The following TMEM202 variants were observed in gnomAD, a reference collection of about 807,000 sequenced individuals.
The protein encoded by TMEM202 is transmembrane protein 202.
Under a neutral mutation model 26.1 loss-of-function variants are expected in TMEM202, and 25 were observed. The observed-to-expected ratio is 0.96, with a 90% CI of 0.70 to 1.34. The LOEUF (loss-of-function observed/expected upper bound fraction) is 1.34, where lower values mean the gene tolerates loss of function less well. TMEM202 is among the 40% of genes most tolerant of loss of function. The probability of loss-of-function intolerance (pLI) is 0.00; values close to 1 mark genes in which losing one functional copy is unlikely to be tolerated. For missense variants in TMEM202, 301 were observed against 327.7 expected (o/e 0.92, Z 0.63); for synonymous variants, 122 against 119.0 (o/e 1.02, Z -0.16).
At chr15:72,406,561 A>C (rs2063572449) in intron 2 of TMEM202, 41 bp from the exon 3 acceptor site, 1 of 1,595,756 alleles carries the variant, frequency 6.3e-7, no homozygotes, top group Non-Finnish European at 8.6e-7. Flanking sequence ...AAGGTCCCTC[A>C]CTGGACTAAC....
At chr15:72,406,782 CA>C in intron 3 of TMEM202, 31 bp downstream of exon 3, 1 of 1,607,976 alleles carries the variant, frequency 6.2e-7, no homozygotes, top group Non-Finnish European at 8.5e-7. Flanking sequence ...GGTATTTTAC[CA>C]TGGTAAAATA....
chr15:72,399,695 A>G (rs886751261), intron 2 of TMEM202, among the ~76,000 whole-genome samples: 2 of 152,242 alleles, frequency 1.3e-5, no homozygotes, highest in Admixed American at 6.5e-5. Flanking sequence ...TTTTATGTGA[A>G]TTTAAATAAA....
intron 2 of TMEM202, 134 bp from the exon 3 acceptor site, chr15:72,406,468 A>T: frequency 1.5e-6 from 1 of 645,858 alleles, no homozygotes; most frequent in Non-Finnish European, 2.6e-6. Flanking sequence ...TTCCAAGCAA[A>T]AAGGATGTCA....
chr15:72,402,969 G>A (rs1314333764), intron 2 of TMEM202, among the ~76,000 whole-genome samples: 1 of 152,128 alleles, frequency 6.6e-6, no homozygotes, highest in East Asian at 1.9e-4. Context: ...TGCCTTCCGT[G>A]CCTTGAAAGC....
Position 72,406,726 on chromosome 15 carries a change from G to T in TMEM202, c.462G>T (p.Lys154Asn). Residue 154 changes from lysine (K) to asparagine (N), a missense_variant, in exon 3 of 5, where the codon AAG becomes AAT. Coordinates refer to ENST00000341689, the MANE Select transcript of TMEM202 (RefSeq NM_001080462.3). Reference protein sequence around the residue: ...RGSMTTNLDLKVSMLSFISAT... With the variant: ...RGSMTTNLDLNVSMLSFISAT... ...GCATGACCACCAACTTGGATCTGAAGGTATCCATGCTCAGCTTCATCTCAG... is the reference window on the plus strand; with the variant it reads ...GCATGACCACCAACTTGGATCTGAATGTATCCATGCTCAGCTTCATCTCAG... 1 of 1,614,048 alleles carries T rather than the reference G, an allele frequency of 6.2e-7. No individual in the cohort carries two copies. The highest frequency in any genetic ancestry group is 8.5e-7 in the Non-Finnish European group (1 of 1,179,980).
At chr15:72,406,245 A>AT (rs1292271241) in intron 2 of TMEM202, among the ~76,000 whole-genome samples, 1 of 151,966 alleles carries the variant, frequency 6.6e-6, no homozygotes, top group African/African-American at 2.4e-5. Flanking sequence ...ATTGTGGCTA[A>AT]TTTTTTTCCT....
chr15:72,400,646 C>T (rs1030394638), intron 2 of TMEM202, among the ~76,000 whole-genome samples: 2 of 152,162 alleles, frequency 1.3e-5, no homozygotes, highest in South Asian at 2.1e-4. Flanking sequence ...TGGTGACTCA[C>T]GCCTGTAATC....
At chr15:72,404,821 G>A (rs1389128606) in intron 2 of TMEM202, among the ~76,000 whole-genome samples, 1 of 152,098 alleles carries the variant, frequency 6.6e-6, no homozygotes, top group East Asian at 1.9e-4. Context: ...TATAGACAAG[G>A]GCTGCTAGAG....
intron 2 of TMEM202, among the ~76,000 whole-genome samples, chr15:72,402,226 A>C (rs1595824722): frequency 6.6e-6 from 1 of 152,176 alleles, no homozygotes; most frequent in Admixed American, 6.5e-5. Context: ...TCGGCCTCCC[A>C]AAGTGCTCAG....
At chr15:72,405,972 A>G (rs1567316995) in intron 2 of TMEM202, among the ~76,000 whole-genome samples, 1 of 152,240 alleles carries the variant, frequency 6.6e-6, no homozygotes. Context: ...TTTTGTAGTC[A>G]TAGGCTGACA....
chr15:72,401,204 C>T (rs1427384793), intron 2 of TMEM202, among the ~76,000 whole-genome samples: 1 of 152,106 alleles, frequency 6.6e-6, no homozygotes, highest in Non-Finnish European at 1.5e-5. Context: ...ATGCCTTAAC[C>T]TCCTGGGAAT....
chr15:72,398,861 C>T lies in TMEM202; in HGVS notation c.290C>T (p.Thr97Ile). 1 of 1,613,860 alleles carries T rather than the reference C, an allele frequency of 6.2e-7. No homozygotes were observed. The highest frequency in any genetic ancestry group is 8.5e-7 in the Non-Finnish European group (1 of 1,179,930). ...CTTGAGCTCTACGCAGGACTCTGGA[C>T]CTTATGCAACCATGAGCTGTGCTGG... ...NGLELYAGLW[T>I]LCNHELCWSH... Residue 97 changes from threonine to isoleucine, a missense_variant, in exon 2 of 5, where the codon ACC (threonine) becomes ATC (isoleucine). Thr to Ile is a moderately conservative substitution (Grantham distance 89). Coordinates refer to ENST00000341689, the MANE Select transcript of TMEM202 (RefSeq NM_001080462.3).
At chr15:72,406,495 C>T (rs879475094) in intron 2 of TMEM202, 107 bp from the exon 3 acceptor site, 2 of 857,708 alleles carry the variant, frequency 2.3e-6, no homozygotes, top group Non-Finnish European at 3.7e-6. Context: ...AAGCTCTGCT[C>T]CATCATCCTT....
rs1285923421 is a variant in TMEM202, at chr15:72,407,933, G to A, written c.*40G>A. On this transcript the variant is annotated 3_prime_UTR_variant, in exon 5 of 5. Coordinates refer to ENST00000341689, the MANE Select transcript of TMEM202 (RefSeq NM_001080462.3). The stretch of plus-strand genomic sequence containing the variant: ...TATAGCTTGTCTTAAAAGCAGGGGA[G>A]AAGCTGAGTTGGGAATGGTCACATA... 1.7e-5 allele frequency: 26 copies of A among 1,551,930 alleles called. No individual in the cohort carries two copies. Among genetic ancestry groups the A allele is most frequent in the Non-Finnish European group, 2.3e-5 (26 of 1,131,642 alleles).
rs961129554 is a variant in TMEM202 at position 72,407,002 on chromosome 15, C to T, written c.488-84C>T. 6 of 1,560,030 alleles carry T rather than the reference C, an allele frequency of 3.8e-6. No homozygotes were observed. The African/African-American group carries it at 6.8e-5, about 18-fold the overall frequency. ...TTTTGATCCTCGCTATACATATGGC[C>T]TCTGGAGGCCAAAGAGCTGGGGGTG... On this transcript the variant is annotated intron_variant, in intron 3 of 4. Transcript: ENST00000341689.
intron 2 of TMEM202, among the ~76,000 whole-genome samples, chr15:72,406,113 A>G (rs2063569677): frequency 6.6e-6 from 1 of 152,138 alleles, no homozygotes. Flanking sequence ...TACAACAGAT[A>G]ATGGGGAAAA....
At chr15:72,402,268 C>T (rs900015260) in intron 2 of TMEM202, among the ~76,000 whole-genome samples, 3 of 152,120 alleles carry the variant, frequency 2.0e-5, no homozygotes, top group East Asian at 1.9e-4. Flanking sequence ...ACCTGGCCTC[C>T]GAATACATTA....
intron 4 of TMEM202, 108 bp from the exon 5 acceptor site, chr15:72,407,583 C>T (rs1379809419): frequency 2.2e-6 from 2 of 928,130 alleles, no homozygotes; most frequent in East Asian, 2.5e-5. Context: ...GAGAGGGGTT[C>T]ACTGAAAAGA....
chr15:72,399,983 C>A (rs995834414), intron 2 of TMEM202, among the ~76,000 whole-genome samples: 1 of 152,216 alleles, frequency 6.6e-6, no homozygotes, highest in Non-Finnish European at 1.5e-5. Context: ...TGAGGTACAG[C>A]ATCAGTTGTT....
Sources: gnomAD v4.1 joint callset for allele counts (sites outside exome capture counted in the v4.1 genomes callset) on GRCh38, gnomAD v4.1.1 for gene constraint, MANE v1.5 for transcripts, NCBI Gene and HGNC (gene_info 2026-07-23, HGNC 2026-07-21) for gene names.